Variants in CLUAP1 observed in about 807,000 individuals in gnomAD.
CLUAP1 encodes intraflagellar transport 38, also known as clusterin-associated protein 1.
Under a neutral mutation model 55.0 loss-of-function variants are expected in CLUAP1, and 50 were observed. That is an observed-to-expected ratio of 0.91 (90% CI 0.72 to 1.15). The LOEUF (loss-of-function observed/expected upper bound fraction) is 1.15, where lower values mean the gene tolerates loss of function less well. Among genes scored for constraint, CLUAP1 ranks in the 50% most tolerant of loss-of-function variants. The pLI, the probability that CLUAP1 is intolerant of heterozygous loss-of-function variation, is 0.00. For missense variants in CLUAP1, 530 were observed against 507.6 expected (o/e 1.04, Z -0.42); for synonymous variants, 195 against 175.4 (o/e 1.11, Z -0.88).
chr16:3,513,818 A>C (rs976764058), intron 5 of CLUAP1, among the ~76,000 whole-genome samples: 1 of 152,204 alleles, frequency 6.6e-6, no homozygotes, highest in East Asian at 1.9e-4. Flanking sequence ...TGCTCAATCT[A>C]ATGCTTTAAA....
intron 9 of CLUAP1, among the ~76,000 whole-genome samples, chr16:3,527,552 C>T (rs577445963): frequency 4.4e-4 from 67 of 151,976 alleles, no homozygotes; most frequent in African/African-American, 1.5e-3. Context: ...TCCCTTTCCC[C>T]GGGGGAGTTT....
At chr16:3,505,546 C>CA (rs1230388490) in intron 2 of CLUAP1, among the ~76,000 whole-genome samples, 3,027 of 56,232 alleles carry the variant, frequency 0.054, 96 homozygotes, top group African/African-American at 0.094. Context: ...GACTCCGTCT[C>CA]AAAAAAAAAA....
intron 9 of CLUAP1, among the ~76,000 whole-genome samples, chr16:3,529,793 ATTATATTATTATAT>A (rs2038068607): frequency 1.6e-5 from 1 of 61,998 alleles, no homozygotes; most frequent in Non-Finnish European, 2.7e-5. Context: ...TATAATATAT[ATTATATTATTATAT>A]ATATATTATA....
At chr16:3,506,116 C>G (rs1345507695) in intron 2 of CLUAP1, among the ~76,000 whole-genome samples, 1 of 152,208 alleles carries the variant, frequency 6.6e-6, no homozygotes, top group African/African-American at 2.4e-5. Context: ...AAGCTGAGAT[C>G]CACATTTAGT....
chr16:3,504,964 G>T (rs1033264901), intron 2 of CLUAP1, 133 bp downstream of exon 2: 12 of 649,650 alleles, frequency 1.8e-5, no homozygotes, highest in Non-Finnish European at 2.8e-5. Context: ...GCTGTATTCT[G>T]TTACAAAGGA....
upstream of CLUAP1, chr16:3,496,601 G>A (rs2037314026): frequency 5.6e-6 from 3 of 532,216 alleles, no homozygotes; most frequent in Non-Finnish European, 1.1e-5. Context: ...CTCCCTCAAG[G>A]ACGGCGGCCC....
intron 3 of CLUAP1, among the ~76,000 whole-genome samples, chr16:3,506,692 T>G (rs182470826): frequency 6.6e-6 from 1 of 151,888 alleles, no homozygotes; most frequent in African/African-American, 2.4e-5. Flanking sequence ...TAGTAGAGAC[T>G]GGGTTTCACC....
Position 3,530,725 on chromosome 16 carries a change from A to G in CLUAP1, c.1036+50A>G, listed in dbSNP as rs1223323954. The G allele has an allele frequency of 5.5e-6, 8 of 1,466,658 alleles. 1 individual carries two copies. In the Admixed American group the frequency reaches 8.6e-5, roughly 16 times the overall value. 90.9% of individuals were successfully genotyped at this position (1,466,658 alleles called of 1,614,324 possible). Reference sequence around the variant, plus strand: ...TTCCTCCCTGCGCCCTGTTTCACAGAACACCTGGCCAGGACTGGGGCAGGC... The same window carrying G: ...TTCCTCCCTGCGCCCTGTTTCACAGGACACCTGGCCAGGACTGGGGCAGGC... On this transcript the variant is annotated intron_variant, in intron 10 of 11. Coordinates refer to ENST00000576634, the MANE Select transcript of CLUAP1 (RefSeq NM_015041.3).
chr16:3,528,125 G>T (rs2037983339), intron 9 of CLUAP1, among the ~76,000 whole-genome samples: 1 of 152,186 alleles, frequency 6.6e-6, no homozygotes, highest in African/African-American at 2.4e-5. Flanking sequence ...CTGAACTTCA[G>T]TGTCAAGTCA....
chr16:3,517,242 G>A (rs986848128), intron 6 of CLUAP1, among the ~76,000 whole-genome samples: 2 of 151,496 alleles, frequency 1.3e-5, no homozygotes, highest in African/African-American at 2.4e-5. Flanking sequence ...CTCCTGAGTA[G>A]CTGGGATTAC....
intron 6 of CLUAP1, among the ~76,000 whole-genome samples, chr16:3,516,663 T>C (rs1038487605): frequency 6.6e-5 from 10 of 152,230 alleles, no homozygotes; most frequent in African/African-American, 2.4e-4. Flanking sequence ...AATTTTGATA[T>C]ACATGTATGC....
At position 3,508,389 on chromosome 16, in the gene CLUAP1, C is replaced by T. The variant is rs79133712; in HGVS notation, c.320C>T (p.Ala107Val). 0.013 allele frequency: 21,265 copies of T among 1,602,368 alleles called. 1,030 individuals carry two copies. The East Asian group carries it at 0.19, about 14-fold the overall frequency. The change falls in exon 4 of 12, where the codon GCT (alanine) becomes GTT (valine). Residue 107 changes from alanine (A) to valine (V), a missense_variant. Ala to Val is a moderately conservative substitution (Grantham distance 64). Transcript: ENST00000576634. ...AAGATCACATCTGTCCTTTATAATG[C>T]TATGAAGACCAAGGGGATGGAGGGC... ...LLKITSVLYN[A>V]MKTKGMEGSE...
At position 3,538,841 on chromosome 16, in the gene CLUAP1, C is replaced by G. The variant is rs1465600468; in HGVS notation, c.*2570C>G. 1 of 152,166 alleles carries G rather than the reference C, an allele frequency of 6.6e-6. No homozygotes were observed. 9.4% of individuals were successfully genotyped at this position (152,166 alleles called of 1,614,324 possible). A position where few individuals can be genotyped will look rare whatever the true frequency, so the allele number is the denominator to read the frequency against. ...AGAATGGATGCAGGATTCACATGTGCAAGTGCTTTGTGACCTGGCACCATT... is the reference window on the plus strand; with the variant it reads ...AGAATGGATGCAGGATTCACATGTGGAAGTGCTTTGTGACCTGGCACCATT... On this transcript the variant is annotated 3_prime_UTR_variant, in exon 12 of 12. Coordinates refer to ENST00000576634, the MANE Select transcript of CLUAP1 (RefSeq NM_015041.3).
intron 4 of CLUAP1, 99 bp downstream of exon 4, chr16:3,508,567 C>G: frequency 2.7e-6 from 3 of 1,116,484 alleles, no homozygotes; most frequent in East Asian, 5.8e-5. Flanking sequence ...TTTCTTCCTC[C>G]TCAGCTGAGG....
chr16:3,517,737 G>A (rs1161060586), intron 6 of CLUAP1, among the ~76,000 whole-genome samples: 1 of 152,158 alleles, frequency 6.6e-6, no homozygotes, highest in Admixed American at 6.5e-5. Flanking sequence ...AATCATGCAC[G>A]CCTGGTAGGA....
At chr16:3,525,156 C>T (rs551460448) in intron 8 of CLUAP1, among the ~76,000 whole-genome samples, 13 of 152,098 alleles carry the variant, frequency 8.5e-5, no homozygotes, top group Non-Finnish European at 1.2e-4. Context: ...AGAAATGGTA[C>T]GGGACAGGCA....
At chr16:3,510,603 T>A (rs2037605782) in intron 4 of CLUAP1, among the ~76,000 whole-genome samples, 1 of 152,212 alleles carries the variant, frequency 6.6e-6, no homozygotes, top group African/African-American at 2.4e-5. Context: ...GCAGAGCTCA[T>A]GGGTGTGTTC....
chr16:3,515,625 A>G (rs757460616), intron 6 of CLUAP1, 34 bp downstream of exon 6: 103 of 1,405,122 alleles, frequency 7.3e-5, no homozygotes, highest in Non-Finnish European at 9.6e-5. Flanking sequence ...AATGTTTTTT[A>G]TGCCTGGGAT....
intron 9 of CLUAP1, among the ~76,000 whole-genome samples, chr16:3,529,679 ATATATTATTATATAT>A (rs2038052379): frequency 8.5e-5 from 1 of 11,756 alleles, no homozygotes; most frequent in Non-Finnish European, 1.2e-4. Flanking sequence ...ATTATATATT[ATATATTATTATATAT>A]TATATATTAT....
Sources: allele counts gnomAD v4.1 joint callset (sites outside exome capture counted in the v4.1 genomes callset), GRCh38; gene constraint gnomAD v4.1.1; transcripts MANE v1.5; gene names NCBI Gene and HGNC (gene_info 2026-07-23, HGNC 2026-07-21).